Variants in COL14A1 observed in about 807,000 individuals in gnomAD.
The protein encoded by COL14A1 is collagen alpha-1(XIV) chain.
In COL14A1, 136 loss-of-function variants were observed where a neutral mutation model predicts 230.3. The ratio of observed to expected loss-of-function variants is 0.59; its 90% confidence interval spans 0.51 to 0.68. The LOEUF (loss-of-function observed/expected upper bound fraction) is 0.68. COL14A1 is among the 30% of genes least tolerant of loss of function. The pLI is 0.00. For synonymous variants in COL14A1, 792 were observed against 784.1 expected (o/e 1.01, Z -0.17); for missense variants, 1,976 against 2,215.8 (o/e 0.89, Z 2.17).
intron 34 of COL14A1, among the ~76,000 whole-genome samples, chr8:120,296,824 A>G (rs1280396844): frequency 1.3e-5 from 2 of 151,978 alleles, no homozygotes; most frequent in East Asian, 1.9e-4. Context: ...AAGAATACAC[A>G]TAGCTTACAT....
intron 41 of COL14A1, 117 bp from the exon 42 acceptor site, chr8:120,332,547 G>A (rs886791456): frequency 2.5e-5 from 21 of 830,954 alleles, no homozygotes; most frequent in Non-Finnish European, 3.4e-5. Context: ...AGGTCCTGGT[G>A]ATGAGGGGGA....
intron 1 of COL14A1, among the ~76,000 whole-genome samples, chr8:120,128,302 C>G (rs1447780468): frequency 6.6e-6 from 1 of 151,576 alleles, no homozygotes; most frequent in African/African-American, 2.4e-5. Context: ...TACTGGGTAT[C>G]TGCCTTTTTC....
At chr8:120,301,416 C>T (rs913862598) in intron 36 of COL14A1, among the ~76,000 whole-genome samples, 8 of 152,064 alleles carry the variant, frequency 5.3e-5, no homozygotes, top group Non-Finnish European at 1.2e-4. Flanking sequence ...CATGAGTTCT[C>T]ATCATTTAGC....
chr8:120,184,033 A>G lies in COL14A1; in HGVS notation c.437-12758A>G, dbSNP rs80208390. Among the ~76,000 whole-genome samples, 1,085 of 152,144 alleles carry G rather than the reference A, an allele frequency of 7.1e-3. 14 individuals are homozygous for G. The highest frequency in any genetic ancestry group is 0.024 in the African/African-American group (997 of 41,500). On this transcript the variant is annotated intron_variant, in intron 5 of 47. Transcript: ENST00000297848. ...TTAGTTACTTAACCATTCTTTCTCT[A>G]TGAAATGGGAAGAACATCTACCTCA...
chr8:120,271,382 T>TAA (rs57681699), intron 26 of COL14A1, among the ~76,000 whole-genome samples: 14 of 139,922 alleles, frequency 1.0e-4, no homozygotes, highest in Middle Eastern at 3.3e-3. Flanking sequence ...AAAGAAAAGT[T>TAA]AAAAAAAAAA....
intron 37 of COL14A1, 152 bp downstream of exon 37, chr8:120,310,214 T>C (rs1362867321): frequency 9.1e-6 from 6 of 661,980 alleles, no homozygotes; most frequent in Admixed American, 6.1e-5. Flanking sequence ...TTCTTCCTTA[T>C]TTTAAAAGCC....
At chr8:120,325,652 C>T (rs149692899) in intron 40 of COL14A1, among the ~76,000 whole-genome samples, 3,574 of 152,192 alleles carry the variant, frequency 0.023, 66 homozygotes, top group Middle Eastern at 0.041. Flanking sequence ...CGTACCGCAC[C>T]CAGCTAGTTT....
chr8:120,296,273 C>T (rs1820528769), intron 34 of COL14A1, among the ~76,000 whole-genome samples: 1 of 151,820 alleles, frequency 6.6e-6, no homozygotes, highest in Non-Finnish European at 1.5e-5. Context: ...TATGGATTTG[C>T]TTTCAAAATT....
intron 23 of COL14A1, among the ~76,000 whole-genome samples, chr8:120,257,043 C>G (rs987314557): frequency 3.3e-5 from 5 of 152,126 alleles, no homozygotes; most frequent in Non-Finnish European, 7.4e-5. Flanking sequence ...AGCATATTTG[C>G]AAAGCAGCCT....
At chr8:120,339,368 C>T (rs1365920649) in intron 42 of COL14A1, among the ~76,000 whole-genome samples, 1 of 152,210 alleles carries the variant, frequency 6.6e-6, no homozygotes, top group Admixed American at 6.5e-5. Context: ...AAGTGAAATT[C>T]AGCCACACTA....
rs182037057 is a variant in COL14A1, at chr8:120,208,164, G to A, written c.1192-68G>A. The A allele has an allele frequency of 4.2e-4, 606 of 1,457,198 alleles. 2 individuals carry two copies. Among genetic ancestry groups the A allele is most frequent in the Admixed American group, 1.4e-3 (66 of 48,464 alleles). 90.3% of individuals were successfully genotyped at this position (1,457,198 alleles called of 1,614,324 possible). ...AAATATTTTTGCTGGACGTATTTTC[G>A]CTTTTTGATTTCAATTCTGCGTGTA... On this transcript the variant is annotated intron_variant, in intron 10 of 47. Transcript: ENST00000297848.
intron 5 of COL14A1, among the ~76,000 whole-genome samples, chr8:120,194,790 G>C (rs1816968889): frequency 6.6e-6 from 1 of 152,150 alleles, no homozygotes; most frequent in African/African-American, 2.4e-5. Context: ...CTCTCCATTT[G>C]AGAGTAACTT....
At position 120,184,413 on chromosome 8, in the gene COL14A1, C is replaced by T. The variant is rs1248657434; in HGVS notation, c.437-12378C>T. On this transcript the variant is annotated intron_variant, in intron 5 of 47. Transcript: ENST00000297848. ...GGGATCACAGGTGTACATCACTACACCTGGCTAATTTTTGTATTTTTAGTA... is the reference window on the plus strand; with the variant it reads ...GGGATCACAGGTGTACATCACTACATCTGGCTAATTTTTGTATTTTTAGTA... 5.3e-5 allele frequency among the ~76,000 whole-genome samples: 8 copies of T among 151,916 alleles called. No individual in the cohort carries two copies. In the East Asian group the frequency reaches 1.5e-3, roughly 29 times the overall value.
chr8:120,190,420 T>C (rs1816783668), intron 5 of COL14A1, among the ~76,000 whole-genome samples: 1 of 152,184 alleles, frequency 6.6e-6, no homozygotes, highest in Admixed American at 6.5e-5. Flanking sequence ...GAACATTTTC[T>C]CCCATTTTGT....
At position 120,369,455 on chromosome 8, in the gene COL14A1, C is replaced by A; in HGVS notation, c.5281C>A (p.Pro1761Thr). ...TTCTGGCCAGCCTGGATATTGTGAC[C>A]CCTCATCATGTTCTGCCTATGGTGT... is the stretch of plus-strand genomic sequence containing the variant. ...GPSGQPGYCDPSSCSAYGVRA... is the reference protein window; with the variant it reads ...GPSGQPGYCDTSSCSAYGVRA... The change falls in exon 47 of 48, where the codon CCC becomes ACC. Residue 1761 changes from proline (P) to threonine (T), a missense_variant. By Grantham distance (38) the Pro-to-Thr change is conservative. Around this residue, in one of 3 missense-constraint regions of COL14A1, gnomAD observed 1,791 missense variants for 2,019.5 expected, o/e 0.89. Coordinates refer to ENST00000297848, the MANE Select transcript of COL14A1 (RefSeq NM_021110.4). The A allele has an allele frequency of 6.2e-7, 1 of 1,606,992 alleles. No individual in the cohort carries two copies. Among genetic ancestry groups the A allele is most frequent in the Non-Finnish European group, 8.5e-7 (1 of 1,176,750 alleles).
intron 1 of COL14A1, among the ~76,000 whole-genome samples, chr8:120,126,309 C>G (rs1308277958): frequency 6.6e-6 from 1 of 152,176 alleles, no homozygotes. Flanking sequence ...GTTCTTGGGT[C>G]CTCTGTGGCT....
At position 120,371,241 on chromosome 8, in the gene COL14A1, G is replaced by C. The variant is rs1348817567; in HGVS notation, c.*10G>C. ...GGGCCCTGGAGTCTGATAGCCTCAG[G>C]AGAAATTTGAAGACCAACTGCAAGA... is the stretch of plus-strand genomic sequence containing the variant. On this transcript the variant is annotated 3_prime_UTR_variant, in exon 48 of 48. Coordinates refer to ENST00000297848, the MANE Select transcript of COL14A1 (RefSeq NM_021110.4). 6.2e-7 allele frequency: 1 copy of C among 1,603,568 alleles called. No individual in the cohort carries two copies. The highest frequency in any genetic ancestry group is 8.5e-7 in the Non-Finnish European group (1 of 1,175,070).
intron 1 of COL14A1, among the ~76,000 whole-genome samples, chr8:120,140,269 G>A (rs987605463): frequency 3.2e-4 from 48 of 151,496 alleles, no homozygotes; most frequent in Admixed American, 1.3e-4. Context: ...CAATATGATT[G>A]CTGGCAATCT....
intron 35 of COL14A1, among the ~76,000 whole-genome samples, chr8:120,299,111 C>A (rs1375219282): frequency 6.6e-6 from 1 of 151,972 alleles, no homozygotes. Flanking sequence ...GAAAAAGTTA[C>A]TGAGTTGAAA....
Sources: gnomAD v4.1 joint callset for allele counts (sites outside exome capture counted in the v4.1 genomes callset) on GRCh38, gnomAD v4.1.1 for gene constraint, gnomAD v4.1.1 regional missense constraint, MANE v1.5 for transcripts, NCBI Gene and HGNC (gene_info 2026-07-23, HGNC 2026-07-21) for gene names.